TBX1: variants seen among roughly 807,000 people sequenced by gnomAD.
TBX1 encodes T-box transcription factor TBX1.
Under a neutral mutation model 40.8 loss-of-function variants are expected in TBX1, and 16 were observed. The ratio of observed to expected loss-of-function variants is 0.39; its 90% CI spans 0.27 to 0.60. The LOEUF (loss-of-function observed/expected upper bound fraction) is 0.60, where lower values mean the gene tolerates loss of function less well. Ranked by LOEUF, TBX1 falls within the 20% of genes least tolerant of loss-of-function variation. TBX1 has a pLI of 0.51. For synonymous variants in TBX1, 403 were observed against 336.8 expected (o/e 1.20, Z -2.15); for missense variants, 755 against 728.5 (o/e 1.04, Z -0.42).
intron 2 of TBX1, 62 bp downstream of exon 2, chr22:19,763,404 G>A (rs1936732070): frequency 1.3e-5 from 20 of 1,506,638 alleles, no homozygotes; most frequent in South Asian, 3.4e-5. Flanking sequence ...GCGGGTCTCC[G>A]CCTGGTGACC....
At chr22:19,763,817 CTGAGGCCCGGCAAGGCCAAG>C in intron 2 of TBX1, 1 of 491,980 alleles carries the variant, frequency 2.0e-6, no homozygotes, top group South Asian at 2.5e-5. Flanking sequence ...TGCCCTGTGC[CTGAGGCCCGGCAAGGCCAAG>C]TGTGGGCTCC....
Position 19,760,878 on chromosome 22 carries a change from A to C in TBX1, c.35A>C (p.Gln12Pro). 9.5e-7 allele frequency: 1 copy of C among 1,047,556 alleles called. No homozygotes were observed. Among genetic ancestry groups the C allele is most frequent in the Non-Finnish European group, 1.2e-6 (1 of 861,108 alleles). 64.9% of individuals were successfully genotyped at this position (1,047,556 alleles called of 1,614,324 possible). A position where few individuals can be genotyped will look rare whatever the true frequency, so the allele number is the denominator to read the frequency against. The change falls in exon 1 of 7, where the codon CAG becomes CCG. Residue 12 changes from glutamine to proline, a missense_variant. Gln to Pro is a moderately conservative substitution (Grantham distance 76). Transcript: ENST00000649276. ...GCCGTGTCCAGCCCGTGGCTCACGC[A>C]GCTCTCGCATTTCTGCGACGTTGCA... ...ISAVSSPWLT[Q>P]LSHFCDVAAF...
chr22:19,769,267 C>T (rs1482673440), downstream of TBX1, among the ~76,000 whole-genome samples: 1 of 152,198 alleles, frequency 6.6e-6, no homozygotes, highest in African/African-American at 2.4e-5. Context: ...GGCCACACGT[C>T]CTAATGAACT....
chr22:19,760,780 TCGGCCCGC>T lies in TBX1; in HGVS notation c.-63_-56del. 2.2e-6 allele frequency: 1 copy of T among 446,870 alleles called. No individual in the cohort carries two copies. Among genetic ancestry groups the T allele is most frequent in the Non-Finnish European group, 2.8e-6 (1 of 355,868 alleles). 27.7% of individuals were successfully genotyped at this position (446,870 alleles called of 1,614,324 possible). A position where few individuals can be genotyped will look rare whatever the true frequency, so the allele number is the denominator to read the frequency against. On this transcript the variant is annotated 5_prime_UTR_variant, in exon 1 of 7. Coordinates refer to ENST00000649276, the MANE Select transcript of TBX1 (RefSeq NM_001379200.1). ...GCGCACGCAGCGCGGCGCCCGCCAC[TCGGCCCGC>T]GGCGCGGGGCAGCGCTCAGCTTGGT...
upstream of TBX1, among the ~76,000 whole-genome samples, chr22:19,756,955 C>A (rs1936500470): frequency 6.6e-6 from 1 of 151,482 alleles, no homozygotes; most frequent in African/African-American, 2.4e-5. Context: ...GTGCCCTAGG[C>A]GGGAGGGAGG....
At chr22:19,772,646 G>A (rs1189225106) in intron 8 of TBX1, among the ~76,000 whole-genome samples, 2 of 151,766 alleles carry the variant, frequency 1.3e-5, no homozygotes, top group African/African-American at 4.8e-5. Context: ...TTTCCCCTCC[G>A]TTTCTGAATT....
rs756543718 is a variant in TBX1 at position 19,766,596 on chromosome 22, G to A, written c.1244G>A (p.Gly415Asp). ...CCCGAGCTGCGCCTGGAGGCGCCCG[G>A]CGCATCGGAGCCGCTGCACCACCAC... is the stretch of plus-strand genomic sequence containing the variant. The part of the protein sequence containing the change: ...PNPELRLEAP[G>D]ASEPLHHHPY... Residue 415 changes from glycine to aspartate, a missense_variant, in exon 7 of 7, where the codon GGC becomes GAC. Physicochemically the swap from Gly to Asp is moderately conservative, Grantham distance 94. Around this residue, in one of 3 missense-constraint regions of TBX1, gnomAD observed 412 missense variants for 317.6 expected, o/e 1.30. Transcript: ENST00000649276. 3.6e-5 allele frequency: 54 copies of A among 1,488,368 alleles called. No individual in the cohort carries two copies. In the Admixed American group the frequency reaches 1.1e-3, roughly 31 times the overall value. 92.2% of individuals were successfully genotyped at this position (1,488,368 alleles called of 1,614,324 possible). A position where few individuals can be genotyped will look rare whatever the true frequency, so the allele number is the denominator to read the frequency against.
intron 8 of TBX1, among the ~76,000 whole-genome samples, chr22:19,774,004 A>T (rs893438081): frequency 2.0e-5 from 3 of 152,256 alleles, no homozygotes; most frequent in Admixed American, 2.0e-4. Context: ...CAGAGATCCT[A>T]TCACATATAT....
downstream of TBX1, among the ~76,000 whole-genome samples, chr22:19,780,784 T>TG (rs1481299359): frequency 6.9e-5 from 10 of 144,888 alleles, 1 homozygote; most frequent in East Asian, 2.0e-3. Context: ...CTGTTTTTTT[T>TG]TTTGTTTTTT....
chr22:19,771,149 C>T (rs1272367952), downstream of TBX1, among the ~76,000 whole-genome samples: 1 of 152,196 alleles, frequency 6.6e-6, no homozygotes, highest in East Asian at 1.9e-4. Flanking sequence ...CTCCTCCTTG[C>T]CAAGCTCCTT....
At chr22:19,759,746 G>C (rs1936581434), upstream of TBX1, 3 of 1,571,304 alleles carry the variant, frequency 1.9e-6, no homozygotes, top group East Asian at 2.3e-5. Context: ...TGTGGGGCCC[G>C]GGTGCAAAGT....
chr22:19,779,549 C>T (rs1031923255), downstream of TBX1: 10 of 1,503,784 alleles, frequency 6.6e-6, no homozygotes, highest in African/African-American at 1.4e-5. Context: ...GTAATAAATA[C>T]TTCTCCATAG....
At chr22:19,782,520 G>GA (rs1846925527), downstream of TBX1, among the ~76,000 whole-genome samples, 1 of 152,138 alleles carries the variant, frequency 6.6e-6, no homozygotes, top group Admixed American at 6.5e-5. Flanking sequence ...TGAGATGAGC[G>GA]ATTCTTTGGG....
intron 1 of TBX1, among the ~76,000 whole-genome samples, chr22:19,762,274 C>A (rs1936693932): frequency 6.6e-6 from 1 of 152,230 alleles, no homozygotes; most frequent in Admixed American, 6.5e-5. Context: ...CCCGCAGCAC[C>A]CTCCAGCCTG....
At chr22:19,758,032 C>A (rs1317530186), upstream of TBX1, among the ~76,000 whole-genome samples, 1 of 152,178 alleles carries the variant, frequency 6.6e-6, no homozygotes, top group Non-Finnish European at 1.5e-5. Flanking sequence ...CGTATACTCA[C>A]CCACTGCGGC....
Position 19,765,179 on chromosome 22 carries a change from T to C in TBX1, c.867+66T>C, listed in dbSNP as rs940479623. On this transcript the variant is annotated intron_variant, in intron 4 of 6. Transcript: ENST00000649276. ...CTGGAAAAGCGGGTGTAATTTTCAG[T>C]TGCCGTTTGGGGACAGTGGGTCCGC... The C allele has an allele frequency of 2.9e-5, 46 of 1,610,952 alleles. No individual in the cohort carries two copies. In the African/African-American group the frequency reaches 4.1e-4, roughly 14 times the overall value.
At chr22:19,757,625 C>T (rs1024277649), upstream of TBX1, among the ~76,000 whole-genome samples, 9 of 152,316 alleles carry the variant, frequency 5.9e-5, no homozygotes, top group East Asian at 1.9e-4. Context: ...AACACAGGCA[C>T]GTCTCCTGCA....
chr22:19,757,383 A>T (rs377645089), upstream of TBX1, among the ~76,000 whole-genome samples: 10 of 152,218 alleles, frequency 6.6e-5, no homozygotes, highest in African/African-American at 2.4e-4. Flanking sequence ...CTCTGGACCG[A>T]TCCTTGAGCG....
Position 19,767,312 on chromosome 22 carries a change from A to C in TBX1, c.*445A>C. On this transcript the variant is annotated 3_prime_UTR_variant, in exon 7 of 7. Coordinates refer to ENST00000649276, the MANE Select transcript of TBX1 (RefSeq NM_001379200.1). ...GATACCGCCCCGGCGCCGACTTGAT[A>C]AACGGTTTCGCCTCTTTTGGAAGCC... 2.0e-6 allele frequency: 2 copies of C among 990,230 alleles called. No homozygotes were observed. Among genetic ancestry groups the C allele is most frequent in the Non-Finnish European group, 2.4e-6 (2 of 833,106 alleles). The allele number at this position is 990,230 out of a possible 1,614,324, so 61.3% of individuals were successfully genotyped here. A position where few individuals can be genotyped will look rare whatever the true frequency, so the allele number is the denominator to read the frequency against.
Sources: allele counts gnomAD v4.1 joint callset (sites outside exome capture counted in the v4.1 genomes callset), GRCh38; gene constraint gnomAD v4.1.1; regional missense constraint gnomAD v4.1.1; transcripts MANE v1.5; gene names NCBI Gene and HGNC (gene_info 2026-07-23, HGNC 2026-07-21).